Variants in MCF2L observed in about 807,000 individuals in gnomAD.
The protein encoded by MCF2L is guanine nucleotide exchange factor DBS.
A neutral mutation model predicts 153.4 loss-of-function variants in MCF2L; 97 were observed. That is an observed-to-expected ratio of 0.63 (90% confidence interval 0.54 to 0.75). The LOEUF (loss-of-function observed/expected upper bound fraction) is 0.75. Among genes scored for constraint, MCF2L ranks in the 30% least tolerant of loss-of-function variants. The pLI, the probability that MCF2L is intolerant of heterozygous loss-of-function variation, is 0.00. For missense variants in MCF2L, 1,347 were observed against 1,495.2 expected (o/e 0.90, Z 1.64); for synonymous variants, 659 against 632.2 (o/e 1.04, Z -0.64).
intron 25 of MCF2L, among the ~76,000 whole-genome samples, chr13:113,089,025 G>GT (rs1308828194): frequency 1.3e-5 from 2 of 152,126 alleles, no homozygotes; most frequent in Non-Finnish European, 2.9e-5. Flanking sequence ...TTCTGCCCTT[G>GT]TTTTTTCTTT....
intron 27 of MCF2L, 132 bp downstream of exon 27, chr13:113,094,767 A>G (rs1283056806): frequency 3.2e-6 from 4 of 1,244,990 alleles, no homozygotes; most frequent in Non-Finnish European, 4.4e-6. Context: ...GAAGGTCCAC[A>G]TGGGCCTGGG....
chr13:113,085,103 G>A lies in MCF2L; in HGVS notation c.2172G>A (p.Leu724=). The A allele has an allele frequency of 1.2e-6, 2 of 1,613,746 alleles. No individual in the cohort carries two copies. Among genetic ancestry groups the A allele is most frequent in the South Asian group, 2.2e-5 (2 of 91,080 alleles). Reference sequence around the variant, plus strand: ...GGTTCCAGGAATGCCAGAGAAAGCTGGACCACAAGCTGAGCCTGGACTCCT... The same window carrying A: ...GGTTCCAGGAATGCCAGAGAAAGCTAGACCACAAGCTGAGCCTGGACTCCT... ...CPFFQECQRK[L]DHKLSLDSYL... The change falls in exon 20 of 30, where the codon CTG becomes CTA. Residue 724 remains leucine, a synonymous_variant. Transcript: ENST00000535094.
chr13:113,090,023 C>T (rs757678524), intron 26 of MCF2L: 50 of 1,598,762 alleles, frequency 3.1e-5, no homozygotes, highest in African/African-American at 1.9e-4. Context: ...GCCTCCGCAT[C>T]GGGTTGCGAT....
At chr13:113,015,570 CG>C (rs1430570799) in intron 2 of MCF2L, among the ~76,000 whole-genome samples, 2 of 152,168 alleles carry the variant, frequency 1.3e-5, no homozygotes, top group Non-Finnish European at 2.9e-5. Context: ...GTCAGCATCC[CG>C]GCCCCCAATC....
intron 1 of MCF2L, among the ~76,000 whole-genome samples, chr13:113,005,250 A>G (rs2083609682): frequency 6.6e-6 from 1 of 152,216 alleles, no homozygotes; most frequent in Admixed American, 6.5e-5. Context: ...CCTGCTGAGT[A>G]AAACCAGCTG....
At chr13:112,922,678 A>G (rs1167789187) in intron 2 of MCF2L, among the ~76,000 whole-genome samples, 1 of 152,194 alleles carries the variant, frequency 6.6e-6, no homozygotes, top group East Asian at 1.9e-4. Context: ...ACTAAAACAC[A>G]GAAGAAATTA....
intron 2 of MCF2L, among the ~76,000 whole-genome samples, chr13:112,930,139 C>T (rs543195835): frequency 6.6e-6 from 1 of 152,200 alleles, no homozygotes; most frequent in South Asian, 2.1e-4. Context: ...ACAGTATGGC[C>T]GTTACTTCCA....
chr13:112,998,125 C>T (rs1395461230), intron 1 of MCF2L, among the ~76,000 whole-genome samples: 1 of 152,246 alleles, frequency 6.6e-6, no homozygotes, highest in South Asian at 2.1e-4. Flanking sequence ...GTTCCGAACC[C>T]CGTGCACAGC....
At chr13:112,925,665 G>C (rs565755755) in intron 2 of MCF2L, among the ~76,000 whole-genome samples, 1 of 152,138 alleles carries the variant, frequency 6.6e-6, no homozygotes, top group African/African-American at 2.4e-5. Flanking sequence ...TATTGGTTGG[G>C]AAGGGGCCAG....
At chr13:113,038,897 A>G (rs958597196) in intron 3 of MCF2L, among the ~76,000 whole-genome samples, 5 of 152,152 alleles carry the variant, frequency 3.3e-5, no homozygotes, top group Non-Finnish European at 7.3e-5. Context: ...TCGCTGTGTC[A>G]CCCAGGCTGG....
chr13:112,916,390 C>T (rs2081292598), intron 2 of MCF2L, among the ~76,000 whole-genome samples: 2 of 152,156 alleles, frequency 1.3e-5, no homozygotes, highest in East Asian at 3.9e-4. Flanking sequence ...ACTTCTTGTC[C>T]TTTTCTTTAG....
intron 27 of MCF2L, chr13:113,095,389 G>A: frequency 3.6e-6 from 4 of 1,126,666 alleles, no homozygotes; most frequent in Non-Finnish European, 4.4e-6. Flanking sequence ...GGAAGGCCTG[G>A]GCGTGAGAAC....
At chr13:113,090,097 AGCTCT>A in intron 26 of MCF2L, 1 of 1,550,532 alleles carries the variant, frequency 6.4e-7, no homozygotes, top group Non-Finnish European at 8.7e-7. Flanking sequence ...TGCCTCAGAA[AGCTCT>A]GCGCTTTCCA....
At chr13:112,981,600 G>A (rs2082428643) in intron 1 of MCF2L, among the ~76,000 whole-genome samples, 1 of 152,222 alleles carries the variant, frequency 6.6e-6, no homozygotes, top group African/African-American at 2.4e-5. Context: ...AGATCACCTG[G>A]GTGTAGTGAG....
intron 3 of MCF2L, among the ~76,000 whole-genome samples, chr13:113,025,804 C>T (rs1169853221): frequency 6.7e-6 from 1 of 148,462 alleles, no homozygotes; most frequent in Admixed American, 6.7e-5. Flanking sequence ...GTCATGGGGT[C>T]CCCGTGACTG....
chr13:113,000,489 G>T (rs1261197245), intron 1 of MCF2L, among the ~76,000 whole-genome samples: 7 of 152,238 alleles, frequency 4.6e-5, no homozygotes, highest in African/African-American at 1.7e-4. Flanking sequence ...GGAGATGAGA[G>T]TCTTGGCCCA....
intron 4 of MCF2L, among the ~76,000 whole-genome samples, chr13:113,051,592 G>A (rs1047356217): frequency 1.1e-4 from 17 of 150,660 alleles, no homozygotes; most frequent in Non-Finnish European, 1.9e-4. Flanking sequence ...AATAACGGGC[G>A]GCACGAGCCA....
intron 1 of MCF2L, among the ~76,000 whole-genome samples, chr13:113,000,010 C>T (rs951061981): frequency 7.1e-6 from 1 of 140,640 alleles, no homozygotes; most frequent in Non-Finnish European, 1.6e-5. Context: ...ATGAAGACGC[C>T]GGCAGGCCCC....
chr13:112,973,890 G>A (rs1424151138), intron 1 of MCF2L, among the ~76,000 whole-genome samples: 1 of 152,158 alleles, frequency 6.6e-6, no homozygotes, highest in African/African-American at 2.4e-5. Flanking sequence ...GGGGACTTGT[G>A]TTGGCCACCG....
Sources: gnomAD v4.1 joint callset for allele counts (sites outside exome capture counted in the v4.1 genomes callset) on GRCh38, gnomAD v4.1.1 for gene constraint, MANE v1.5 for transcripts, NCBI Gene and HGNC (gene_info 2026-07-23, HGNC 2026-07-21) for gene names.